Variants in BATF observed in about 807,000 individuals in gnomAD.
The protein encoded by BATF is basic leucine zipper ATF-like transcription factor, also known as basic leucine zipper transcriptional factor ATF-like.
A neutral mutation model predicts 13.7 loss-of-function variants in BATF; 5 were observed. The ratio of observed to expected loss-of-function variants is 0.36; its 90% CI spans 0.19 to 0.77. The LOEUF (loss-of-function observed/expected upper bound fraction) is 0.77, where lower values mean the gene tolerates loss of function less well. Among genes scored for constraint, BATF ranks in the 30% least tolerant of loss-of-function variants. The pLI is 0.51. For missense variants in BATF, 124 were observed against 163.0 expected (o/e 0.76, Z 1.30); for synonymous variants, 72 against 67.5 (o/e 1.07, Z -0.33).
intron 2 of BATF, among the ~76,000 whole-genome samples, chr14:75,535,478 C>T (rs967511033): frequency 3.3e-5 from 5 of 151,910 alleles, no homozygotes; most frequent in African/African-American, 9.7e-5. Flanking sequence ...GGATCATGGG[C>T]GTTTTTAACT....
rs1023282174 is a variant in BATF at position 75,531,907 on chromosome 14, G to A, written c.168+6719G>A. Among the ~76,000 whole-genome samples, 3 of 152,190 alleles carry A rather than the reference G, an allele frequency of 2.0e-5. No homozygotes were observed. The East Asian group carries it at 5.8e-4, about 29-fold the overall frequency. Reference sequence around the variant, plus strand: ...CACAGATAAGTCACAGGTCAGGAATGTTCAGGCTAGTTCCACCCTTAAAAA... The same window carrying A: ...CACAGATAAGTCACAGGTCAGGAATATTCAGGCTAGTTCCACCCTTAAAAA... On this transcript the variant is annotated intron_variant, in intron 2 of 2. Transcript: ENST00000286639.
chr14:75,535,873 A>G (rs1443504508), intron 2 of BATF, among the ~76,000 whole-genome samples: 1 of 152,152 alleles, frequency 6.6e-6, no homozygotes, highest in Non-Finnish European at 1.5e-5. Context: ...GCAACTGAGG[A>G]CCCTGTAACT....
At chr14:75,532,474 T>C (rs1019745495) in intron 2 of BATF, among the ~76,000 whole-genome samples, 4 of 152,158 alleles carry the variant, frequency 2.6e-5, no homozygotes, top group Non-Finnish European at 4.4e-5. Flanking sequence ...ATAGATACAA[T>C]TGGTATATCA....
At chr14:75,531,840 T>C (rs554557070) in intron 2 of BATF, among the ~76,000 whole-genome samples, 3 of 152,158 alleles carry the variant, frequency 2.0e-5, no homozygotes, top group Admixed American at 6.5e-5. Flanking sequence ...CTCCTGGAAT[T>C]CTTTTGCTCT....
At chr14:75,527,832 A>G (rs1291986550) in intron 2 of BATF, among the ~76,000 whole-genome samples, 1 of 152,238 alleles carries the variant, frequency 6.6e-6, no homozygotes, top group African/African-American at 2.4e-5. Context: ...GCACCACAGC[A>G]TCGTCTTTAC....
At chr14:75,545,388 A>ATT (rs35791450) in intron 2 of BATF, among the ~76,000 whole-genome samples, 5,815 of 105,172 alleles carry the variant, frequency 0.055, 259 homozygotes, top group Non-Finnish European at 0.078. Flanking sequence ...CGCCTGGTTA[A>ATT]TTTTTTTTTT....
At chr14:75,543,512 C>A (rs1887934821) in intron 2 of BATF, among the ~76,000 whole-genome samples, 1 of 152,144 alleles carries the variant, frequency 6.6e-6, no homozygotes, top group African/African-American at 2.4e-5. Context: ...AACCGATTAA[C>A]CTCATTAGCC....
At chr14:75,528,641 T>A (rs1230977263) in intron 2 of BATF, among the ~76,000 whole-genome samples, 1 of 152,228 alleles carries the variant, frequency 6.6e-6, no homozygotes, top group Non-Finnish European at 1.5e-5. Flanking sequence ...GTTCCTTTTC[T>A]CCTGCAGACA....
chr14:75,532,671 C>T (rs1433106064), intron 2 of BATF, among the ~76,000 whole-genome samples: 1 of 152,096 alleles, frequency 6.6e-6, no homozygotes, highest in African/African-American at 2.4e-5. Context: ...TGACAGGGGG[C>T]TTACAACAGA....
At chr14:75,541,788 G>A (rs557039789) in intron 2 of BATF, among the ~76,000 whole-genome samples, 25 of 152,134 alleles carry the variant, frequency 1.6e-4, no homozygotes, top group African/African-American at 4.8e-4. Flanking sequence ...CTCAGCCTCC[G>A]GAGTTGCTGG....
intron 2 of BATF, among the ~76,000 whole-genome samples, chr14:75,543,838 A>AT (rs1887940438): frequency 6.6e-6 from 1 of 151,790 alleles, no homozygotes; most frequent in African/African-American, 2.4e-5. Context: ...CAAAAAAAAA[A>AT]ACCCAAAAAA....
chr14:75,542,875 A>G (rs2140042660), intron 2 of BATF, among the ~76,000 whole-genome samples: 1 of 152,330 alleles, frequency 6.6e-6, no homozygotes, highest in African/African-American at 2.4e-5. Context: ...CGACAGAGCT[A>G]GAGTGAGCTC....
intron 2 of BATF, among the ~76,000 whole-genome samples, chr14:75,539,227 A>G (rs1004235734): frequency 1.3e-5 from 2 of 152,130 alleles, no homozygotes; most frequent in Non-Finnish European, 2.9e-5. Flanking sequence ...AGGCTGTGAG[A>G]TGGGTGCCGA....
intron 2 of BATF, among the ~76,000 whole-genome samples, chr14:75,536,047 T>C (rs1566767973): frequency 6.6e-6 from 1 of 152,254 alleles, no homozygotes; most frequent in Non-Finnish European, 1.5e-5. Flanking sequence ...CAGTTCGTTC[T>C]AGGCACTGAG....
intron 2 of BATF, among the ~76,000 whole-genome samples, chr14:75,538,973 T>G (rs1220144939): frequency 3.3e-5 from 5 of 152,252 alleles, no homozygotes; most frequent in Non-Finnish European, 7.3e-5. Context: ...GTTTTGTTGT[T>G]TGGTTTTGAA....
chr14:75,522,792 G>A (rs1437467514), intron 1 of BATF, 47 bp downstream of exon 1: 4 of 1,609,610 alleles, frequency 2.5e-6, no homozygotes, highest in East Asian at 4.5e-5. Context: ...TCTCCTGGGG[G>A]ATGGAAAGAG....
chr14:75,532,774 G>A (rs1468408372), intron 2 of BATF, among the ~76,000 whole-genome samples: 1 of 152,074 alleles, frequency 6.6e-6, no homozygotes, highest in Non-Finnish European at 1.5e-5. Flanking sequence ...AGCATAGAAA[G>A]ATGTCAGTGA....
At chr14:75,533,881 C>T (rs1316910591) in intron 2 of BATF, among the ~76,000 whole-genome samples, 1 of 152,166 alleles carries the variant, frequency 6.6e-6, no homozygotes, top group African/African-American at 2.4e-5. Context: ...GAACCCAAAC[C>T]TCTTGCCTTC....
At chr14:75,539,171 T>A (rs556120892) in intron 2 of BATF, among the ~76,000 whole-genome samples, 95 of 152,294 alleles carry the variant, frequency 6.2e-4, no homozygotes, top group African/African-American at 2.1e-3. Flanking sequence ...AGAACCAAGC[T>A]CCTTCTCTCT....
Sources: gnomAD v4.1 joint callset for allele counts (sites outside exome capture counted in the v4.1 genomes callset) on GRCh38, gnomAD v4.1.1 for gene constraint, MANE v1.5 for transcripts, NCBI Gene and HGNC (gene_info 2026-07-23, HGNC 2026-07-21) for gene names.